The following AFG1L variants were observed in gnomAD, a reference collection of about 807,000 sequenced individuals.
The protein encoded by AFG1L is AFG1-like ATPase.
In AFG1L, 53 loss-of-function variants were observed where a neutral mutation model predicts 62.2. That is an observed-to-expected ratio of 0.85 (90% confidence interval 0.68 to 1.07). AFG1L has a LOEUF of 1.07. Among genes scored for constraint, AFG1L ranks in the 50% least tolerant of loss-of-function variants. The pLI, the probability that AFG1L is intolerant of heterozygous loss-of-function variation, is 0.00. For missense variants in AFG1L, 555 were observed against 590.5 expected (o/e 0.94, Z 0.62); for synonymous variants, 228 against 210.3 (o/e 1.08, Z -0.73).
At chr6:108,491,683 G>A (rs1773784148) in intron 10 of AFG1L, among the ~76,000 whole-genome samples, 2 of 152,192 alleles carry the variant, frequency 1.3e-5, no homozygotes, top group Non-Finnish European at 2.9e-5. Flanking sequence ...GCAAGAAGAT[G>A]AAGTGAATAA....
At chr6:108,336,029 T>C (rs908563652) in intron 2 of AFG1L, among the ~76,000 whole-genome samples, 4 of 152,208 alleles carry the variant, frequency 2.6e-5, no homozygotes, top group African/African-American at 9.6e-5. Context: ...CGAGATTCTT[T>C]TGCAAATCAG....
intron 1 of AFG1L, among the ~76,000 whole-genome samples, chr6:108,317,166 A>G (rs772287030): frequency 1.3e-5 from 2 of 152,188 alleles, no homozygotes; most frequent in Non-Finnish European, 2.9e-5. Flanking sequence ...ATGAATTTGT[A>G]ATTACCTGTT....
chr6:108,498,245 T>A (rs187609121), intron 10 of AFG1L, among the ~76,000 whole-genome samples: 1 of 152,316 alleles, frequency 6.6e-6, no homozygotes, highest in East Asian at 1.9e-4. Flanking sequence ...AAGAATAGAC[T>A]CCACGTCACA....
At chr6:108,341,726 TTATGATC>T (rs1366317794) in intron 2 of AFG1L, among the ~76,000 whole-genome samples, 1 of 152,110 alleles carries the variant, frequency 6.6e-6, no homozygotes, top group African/African-American at 2.4e-5. Context: ...GCTTATGAGC[TTATGATC>T]TATCTGCACA....
At chr6:108,455,682 T>C (rs1772227400) in intron 8 of AFG1L, among the ~76,000 whole-genome samples, 1 of 152,080 alleles carries the variant, frequency 6.6e-6, no homozygotes. Flanking sequence ...TCTCTCCTGA[T>C]TTATTTTTTG....
At chr6:108,474,729 G>A (rs1773041177) in intron 8 of AFG1L, among the ~76,000 whole-genome samples, 1 of 152,062 alleles carries the variant, frequency 6.6e-6, no homozygotes, top group South Asian at 2.1e-4. Context: ...TTTTGATGGG[G>A]TTGTTTGTTT....
intron 7 of AFG1L, among the ~76,000 whole-genome samples, chr6:108,402,783 A>G (rs1002586271): frequency 3.9e-5 from 6 of 152,144 alleles, no homozygotes; most frequent in African/African-American, 1.4e-4. Flanking sequence ...CATTATTAAC[A>G]TGTTTTCCCA....
intron 6 of AFG1L, among the ~76,000 whole-genome samples, chr6:108,389,729 A>G (rs1329623513): frequency 6.6e-5 from 10 of 152,110 alleles, no homozygotes; most frequent in Admixed American, 2.0e-4. Flanking sequence ...GGCTTGTAGA[A>G]TTTCTGCCGA....
chr6:108,330,364 C>T (rs544156451), intron 2 of AFG1L, among the ~76,000 whole-genome samples: 2 of 151,990 alleles, frequency 1.3e-5, no homozygotes, highest in South Asian at 2.1e-4. Flanking sequence ...TTAGTAGAGA[C>T]CAGGTTTCAC....
At chr6:108,326,695 C>T (rs945482020) in intron 2 of AFG1L, among the ~76,000 whole-genome samples, 1 of 152,182 alleles carries the variant, frequency 6.6e-6, no homozygotes, top group Non-Finnish European at 1.5e-5. Flanking sequence ...CGCAGTGGCT[C>T]ACGCCTGTAA....
chr6:108,423,446 C>T (rs1770685710), intron 7 of AFG1L, among the ~76,000 whole-genome samples: 1 of 151,990 alleles, frequency 6.6e-6, no homozygotes, highest in East Asian at 1.9e-4. Context: ...AAACTGTGTG[C>T]ACATTGAACA....
intron 8 of AFG1L, among the ~76,000 whole-genome samples, chr6:108,449,608 T>A (rs1005698564): frequency 6.6e-6 from 1 of 152,182 alleles, no homozygotes; most frequent in African/African-American, 2.4e-5. Context: ...AAACTTTTTT[T>A]TTATTATTAT....
At chr6:108,490,709 C>T (rs1271982097) in intron 10 of AFG1L, among the ~76,000 whole-genome samples, 7 of 152,184 alleles carry the variant, frequency 4.6e-5, no homozygotes, top group Non-Finnish European at 1.0e-4. Context: ...TTAATCTCCC[C>T]CTTCACTGCT....
intron 2 of AFG1L, among the ~76,000 whole-genome samples, chr6:108,343,569 A>C (rs1370566086): frequency 6.6e-6 from 1 of 152,228 alleles, no homozygotes; most frequent in Non-Finnish European, 1.5e-5. Flanking sequence ...CTGCTTTCAA[A>C]ATATTTCACA....
At chr6:108,335,747 C>G (rs1388534211) in intron 2 of AFG1L, among the ~76,000 whole-genome samples, 2 of 152,184 alleles carry the variant, frequency 1.3e-5, no homozygotes, top group Non-Finnish European at 2.9e-5. Flanking sequence ...CAGGTAGGAG[C>G]AAAGTGAACA....
intron 7 of AFG1L, among the ~76,000 whole-genome samples, chr6:108,445,858 T>G (rs1455305339): frequency 6.6e-6 from 1 of 152,124 alleles, no homozygotes; most frequent in Non-Finnish European, 1.5e-5. Flanking sequence ...TTTAAAAGTT[T>G]GAAATACTAC....
rs181056090 is a variant in AFG1L, at chr6:108,516,244, A to T, written c.1204-3453A>T. Among the ~76,000 whole-genome samples the T allele has an allele frequency of 8.6e-3, 1,316 of 152,296 alleles. 28 individuals are homozygous for T. Among genetic ancestry groups the T allele is most frequent in the African/African-American group, 0.029 (1,222 of 41,528 alleles). ...TATCCCTGATGAACATCAATGCAAAAATCCTCAATAAAATACTGGCAAACC... is the reference window on the plus strand; with the variant it reads ...TATCCCTGATGAACATCAATGCAAATATCCTCAATAAAATACTGGCAAACC... On this transcript the variant is annotated intron_variant, in intron 11 of 12. Coordinates refer to ENST00000368977, the MANE Select transcript of AFG1L (RefSeq NM_145315.5).
At chr6:108,454,305 G>A (rs1246313100) in intron 8 of AFG1L, among the ~76,000 whole-genome samples, 1 of 152,194 alleles carries the variant, frequency 6.6e-6, no homozygotes, top group Non-Finnish European at 1.5e-5. Flanking sequence ...TTGCAGAAAT[G>A]TATCCACATG....
In AFG1L at chr6:108,500,171, C is replaced by CGTGCGT. The variant is rs1247963141; in HGVS notation, c.1063-10038_1063-10037insCGTGTG. 8.2e-3 allele frequency among the ~76,000 whole-genome samples: 1,106 copies of CGTGCGT among 135,124 alleles called. 9 individuals are homozygous for CGTGCGT. The highest frequency in any genetic ancestry group is 0.015 in the Middle Eastern group (4 of 260). 88.6% of individuals were successfully genotyped at this position (135,124 alleles called of 152,430 possible). A position where few individuals can be genotyped will look rare whatever the true frequency, so the allele number is the denominator to read the frequency against. On this transcript the variant is annotated intron_variant, in intron 10 of 12. Coordinates refer to ENST00000368977, the MANE Select transcript of AFG1L (RefSeq NM_145315.5). Reference sequence around the variant, plus strand: ...GCTGTGTAGTATTCCATGGTGCGTGCGTGTGTGTGTGTGTGTGTGTGTGTG... The same window carrying CGTGCGT: ...GCTGTGTAGTATTCCATGGTGCGTGCGTGCGTGTGTGTGTGTGTGTGTGTGTGTGTG...
Sources: allele counts gnomAD v4.1 joint callset (sites outside exome capture counted in the v4.1 genomes callset), GRCh38; gene constraint gnomAD v4.1.1; transcripts MANE v1.5; gene names NCBI Gene and HGNC (gene_info 2026-07-23, HGNC 2026-07-21).